Variants in QKI observed in about 807,000 individuals in gnomAD.
QKI encodes the protein KH domain-containing RNA-binding protein QKI.
Under a neutral mutation model 39.0 loss-of-function variants are expected in QKI, and 10 were observed. The observed-to-expected ratio is 0.26, with a 90% CI of 0.16 to 0.43. The LOEUF (loss-of-function observed/expected upper bound fraction) is 0.43, where lower values mean the gene tolerates loss of function less well. Among genes scored for constraint, QKI ranks in the 20% least tolerant of loss-of-function variants. The pLI is 1.00. For synonymous variants in QKI, 204 were observed against 155.4 expected, an observed-to-expected ratio of 1.31 and a Z score of -2.33; for missense variants, 218 against 428.0, an observed-to-expected ratio of 0.51 and a Z score of 4.33.
In QKI at chr6:163,575,535, T is replaced by C. The variant is rs937863053; in HGVS notation, c.*4825T>C. 6.6e-6 allele frequency: 1 copy of C among 152,212 alleles called. No individual in the cohort carries two copies. The highest frequency in any genetic ancestry group is 1.9e-4 in the East Asian group (1 of 5,198). 9.4% of individuals were successfully genotyped at this position (152,212 alleles called of 1,614,324 possible). On this transcript the variant is annotated 3_prime_UTR_variant, in exon 8 of 8. Coordinates refer to ENST00000361752, the MANE Select transcript of QKI (RefSeq NM_006775.3). ...CAAGAAGTTGGTGAAATTAATGTCC[T>C]TAAACTTTTCCTTTAGGCAAAATGT... is the stretch of plus-strand genomic sequence containing the variant.
intron 3 of QKI, among the ~76,000 whole-genome samples, chr6:163,525,660 C>T (rs546927654): frequency 6.6e-6 from 1 of 152,224 alleles, no homozygotes; most frequent in African/African-American, 2.4e-5. Context: ...CCACCACGCC[C>T]GGCCATCTTG....
At chr6:163,471,648 C>T (rs1283064401) in intron 2 of QKI, among the ~76,000 whole-genome samples, 1 of 151,994 alleles carries the variant, frequency 6.6e-6, no homozygotes, top group Non-Finnish European at 1.5e-5. Context: ...ATATAACTTC[C>T]AAACTAATAG....
intron 2 of QKI, among the ~76,000 whole-genome samples, chr6:163,466,834 T>C (rs902341136): frequency 3.3e-5 from 5 of 151,960 alleles, no homozygotes; most frequent in Admixed American, 6.6e-5. Flanking sequence ...TTTCTAGATA[T>C]TACACCCAAA....
chr6:163,419,336 A>G (rs1787800146), intron 1 of QKI, among the ~76,000 whole-genome samples: 2 of 151,978 alleles, frequency 1.3e-5, no homozygotes, highest in South Asian at 2.1e-4. Context: ...CATTTACAAA[A>G]GCCTTGACTT....
intron 1 of QKI, among the ~76,000 whole-genome samples, chr6:163,424,191 T>A (rs2128208532): frequency 6.6e-6 from 1 of 152,282 alleles, no homozygotes; most frequent in South Asian, 2.1e-4. Context: ...GTGAATACAT[T>A]TTTTTAAGAA....
intron 1 of QKI, among the ~76,000 whole-genome samples, chr6:163,440,357 C>T (rs1387954696): frequency 6.6e-6 from 1 of 152,196 alleles, no homozygotes; most frequent in Non-Finnish European, 1.5e-5. Flanking sequence ...CCAAATCTCT[C>T]TTTCCTAACT....
chr6:163,420,591 A>T (rs1012948896), intron 1 of QKI, among the ~76,000 whole-genome samples: 12 of 151,846 alleles, frequency 7.9e-5, no homozygotes, highest in Non-Finnish European at 1.8e-4. Flanking sequence ...ACGGGACTTC[A>T]TTTTTTTCTC....
At chr6:163,562,344 AT>A (rs1168649446) in intron 5 of QKI, among the ~76,000 whole-genome samples, 2 of 151,864 alleles carry the variant, frequency 1.3e-5, no homozygotes, top group African/African-American at 4.8e-5. Context: ...TGTTTAAGAA[AT>A]TTTCTGTTTG....
intron 1 of QKI, among the ~76,000 whole-genome samples, chr6:163,437,362 G>A (rs1296332722): frequency 1.3e-5 from 2 of 152,152 alleles, no homozygotes; most frequent in East Asian, 1.9e-4. Flanking sequence ...TATAAATTTA[G>A]TGTATCGATT....
intron 1 of QKI, among the ~76,000 whole-genome samples, chr6:163,436,159 A>C (rs572604615): frequency 1.8e-4 from 28 of 152,344 alleles, no homozygotes; most frequent in African/African-American, 5.8e-4. Flanking sequence ...CATCCAAGCA[A>C]GGTAAATGTT....
intron 3 of QKI, among the ~76,000 whole-genome samples, chr6:163,501,676 C>T (rs1778772995): frequency 6.6e-6 from 1 of 152,196 alleles, no homozygotes; most frequent in Non-Finnish European, 1.5e-5. Context: ...TGTAACTGAG[C>T]ATTGGCTTTG....
intron 1 of QKI, among the ~76,000 whole-genome samples, chr6:163,425,100 T>C (rs894358933): frequency 6.6e-6 from 1 of 152,222 alleles, no homozygotes; most frequent in Non-Finnish European, 1.5e-5. Context: ...TCTGGTAGTT[T>C]AGAGGATGTC....
At chr6:163,495,112 C>T (rs1053355422) in intron 3 of QKI, among the ~76,000 whole-genome samples, 1 of 152,008 alleles carries the variant, frequency 6.6e-6, no homozygotes, top group Non-Finnish European at 1.5e-5. Flanking sequence ...GACAAGGTTT[C>T]ACCAGTTGGC....
chr6:163,424,166 G>C (rs1003978905), intron 1 of QKI, among the ~76,000 whole-genome samples: 1 of 152,146 alleles, frequency 6.6e-6, no homozygotes, highest in Non-Finnish European at 1.5e-5. Flanking sequence ...CTTTGATACA[G>C]TTGTTACATG....
rs547844170 is a variant in QKI at position 163,529,194 on chromosome 6, G to C, written c.403-5788G>C. ...CTGGTAACTAAGGAGAAAGAAAGAA[G>C]CCGTCCCAGAAACCAAGATACAGGA... On this transcript the variant is annotated intron_variant, in intron 3 of 7. Transcript: ENST00000361752. 1.1e-4 allele frequency among the ~76,000 whole-genome samples: 16 copies of C among 152,242 alleles called. No individual in the cohort carries two copies. In the East Asian group the frequency reaches 3.1e-3, roughly 29 times the overall value.
intron 2 of QKI, among the ~76,000 whole-genome samples, chr6:163,474,129 C>T (rs561866196): frequency 6.6e-6 from 1 of 152,152 alleles, no homozygotes; most frequent in East Asian, 1.9e-4. Flanking sequence ...ATTTAGATAT[C>T]CACTTGTAGT....
chr6:163,484,483 G>T (rs763313136), intron 3 of QKI, among the ~76,000 whole-genome samples: 36 of 152,156 alleles, frequency 2.4e-4, no homozygotes, highest in Non-Finnish European at 4.7e-4. Flanking sequence ...TTACAGGTGT[G>T]AGCCACTGCA....
chr6:163,438,902 G>T (rs1286593732), intron 1 of QKI, among the ~76,000 whole-genome samples: 3 of 151,904 alleles, frequency 2.0e-5, no homozygotes, highest in African/African-American at 4.8e-5. Flanking sequence ...TTAAACCTTT[G>T]ACTACAATTA....
At chr6:163,477,273 T>A (rs978914446) in intron 2 of QKI, among the ~76,000 whole-genome samples, 1 of 152,194 alleles carries the variant, frequency 6.6e-6, no homozygotes, top group Non-Finnish European at 1.5e-5. Flanking sequence ...CGTCTTGGCC[T>A]CCCAAAGTGT....
Sources: gnomAD v4.1 joint callset for allele counts (sites outside exome capture counted in the v4.1 genomes callset) on GRCh38, gnomAD v4.1.1 for gene constraint, MANE v1.5 for transcripts, NCBI Gene and HGNC (gene_info 2026-07-23, HGNC 2026-07-21) for gene names.